Variants in PPRC1 observed in about 807,000 individuals in gnomAD.
PPRC1 encodes the protein peroxisome proliferator-activated receptor gamma coactivator-related protein 1.
A neutral mutation model predicts 132.5 loss-of-function variants in PPRC1; 23 were observed. The observed-to-expected ratio is 0.17, with a 90% CI of 0.12 to 0.25. The LOEUF (loss-of-function observed/expected upper bound fraction) is 0.25, where lower values mean the gene tolerates loss of function less well. PPRC1 is among the 10% of genes least tolerant of loss of function. The pLI is 1.00. For missense variants in PPRC1, 2,006 were observed against 2,089.1 expected, an observed-to-expected ratio of 0.96 and a Z score of 0.78; for synonymous variants, 872 against 833.5, an observed-to-expected ratio of 1.05 and a Z score of -0.80.
the PPRC1 span, among the ~76,000 whole-genome samples, chr10:102,123,379 G>C: frequency 2.0e-5 from 3 of 152,014 alleles, no homozygotes; most frequent in South Asian, 6.3e-4. Context: ...TGGTAGGAAG[G>C]GGGTGGAGTC....
Position 102,140,474 on chromosome 10 carries a change from G to T in PPRC1, c.1966G>T (p.Val656Phe), listed in dbSNP as rs1160004042. 6.2e-7 allele frequency: 1 copy of T among 1,614,198 alleles called. No homozygotes were observed. Among genetic ancestry groups the T allele is most frequent in the South Asian group, 1.1e-5 (1 of 91,082 alleles). The change falls in exon 5 of 14, where the codon GTT becomes TTT. Residue 656 changes from valine to phenylalanine, a missense_variant. Val to Phe is a conservative substitution (Grantham distance 50). Around this residue, in one of 2 missense-constraint regions of PPRC1, gnomAD observed 1,914 missense variants for 1,917.2 expected, o/e 1.00. Coordinates refer to ENST00000278070, the MANE Select transcript of PPRC1 (RefSeq NM_015062.5). ...TCCCATCTCAGATAACTTGCCACCA[G>T]TTGATGCTGTCCCGTCTGGCCCAGC... ...VVPISDNLPPVDAVPSGPAPV... is the reference protein window; with the variant it reads ...VVPISDNLPPFDAVPSGPAPV...
intron 5 of PPRC1, among the ~76,000 whole-genome samples, chr10:102,142,312 A>G (rs937911232): frequency 2.8e-5 from 4 of 144,822 alleles, no homozygotes; most frequent in South Asian, 2.2e-4. Flanking sequence ...TATGTTGGCC[A>G]GGTTGGTCTC....
intron 6 of PPRC1, among the ~76,000 whole-genome samples, chr10:102,143,982 A>G (rs1217981894): frequency 1.3e-5 from 2 of 152,360 alleles, no homozygotes; most frequent in Middle Eastern, 3.4e-3. Context: ...TAGGCAGATC[A>G]TAGATCACCT....
At chr10:102,136,923 G>A (rs1448954960) in intron 1 of PPRC1, among the ~76,000 whole-genome samples, 2 of 152,218 alleles carry the variant, frequency 1.3e-5, no homozygotes, top group Non-Finnish European at 2.9e-5. Context: ...AGTGTGGGGC[G>A]GGGCCTTTCC....
chr10:102,143,772 AT>A (rs1432827428), intron 6 of PPRC1, among the ~76,000 whole-genome samples: 2 of 152,228 alleles, frequency 1.3e-5, no homozygotes, highest in Non-Finnish European at 2.9e-5. Flanking sequence ...CATATGGCAC[AT>A]TTGAAAGGCA....
rs567105512 is a variant in PPRC1, at chr10:102,141,748, G to A, written c.3240G>A (p.Lys1080=). ...VSALVQSPQM[K]ALACVSAEGV... is the part of the protein sequence containing the mutation. ...CCCTGGTGCAAAGTCCCCAGATGAA[G>A]GCTCTAGCATGTGTGTCTGCTGAAG... The change falls in exon 5 of 14, where the codon AAG becomes AAA. Residue 1080 remains lysine, a synonymous_variant. Transcript: ENST00000278070. 6.2e-7 allele frequency: 1 copy of A among 1,613,966 alleles called. No individual in the cohort carries two copies. The highest frequency in any genetic ancestry group is 1.1e-5 in the South Asian group (1 of 91,040).
chr10:102,136,883 G>GAGGCC (rs930196002), intron 1 of PPRC1, among the ~76,000 whole-genome samples: 1 of 152,166 alleles, frequency 6.6e-6, no homozygotes, highest in African/African-American at 2.4e-5. Flanking sequence ...CCTGACACGA[G>GAGGCC]AGGCCGTAAA....
rs1268511233 is a variant in PPRC1 at position 102,148,797 on chromosome 10, T to C, written c.4618-20T>C. ...GCCCTGGCTAATGGTGTGTTGATTT[T>C]TTTTCATTTCCAAACATAGGAAGAA... On this transcript the variant is annotated intron_variant, in intron 11 of 13. Coordinates refer to ENST00000278070, the MANE Select transcript of PPRC1 (RefSeq NM_015062.5). This position sits in a 1 kb window ranked among gnomAD's most constrained non-coding sequence, Gnocchi z 4.2. 1.2e-6 allele frequency: 2 copies of C among 1,614,014 alleles called. No individual in the cohort carries two copies. Among genetic ancestry groups the C allele is most frequent in the Non-Finnish European group, 1.7e-6 (2 of 1,180,018 alleles).
Position 102,146,980 on chromosome 10 carries a change from A to C in PPRC1, c.3988A>C (p.Thr1330Pro). The change falls in exon 9 of 14, where the codon ACC (threonine) becomes CCC (proline). Residue 1330 changes from threonine (T) to proline (P), a missense_variant. Around this residue, in one of 2 missense-constraint regions of PPRC1, gnomAD observed 1,914 missense variants for 1,917.2 expected, o/e 1.00. Coordinates refer to ENST00000278070, the MANE Select transcript of PPRC1 (RefSeq NM_015062.5). ...GAATGTCAAGCGCCATCAGGACATC[A>C]CCATCAAACCTGTCTTGTCCTTGGG... ...RWNVKRHQDI[T>P]IKPVLSLGPA... The C allele has an allele frequency of 6.2e-7, 1 of 1,614,064 alleles. No homozygotes were observed. The highest frequency in any genetic ancestry group is 8.5e-7 in the Non-Finnish European group (1 of 1,180,004).
At chr10:102,144,424 C>A (rs1310623552) in intron 7 of PPRC1, 117 bp downstream of exon 7, 24 of 984,534 alleles carry the variant, frequency 2.4e-5, no homozygotes, top group Non-Finnish European at 3.5e-5. Context: ...GCTCTAGAGT[C>A]TTTCCCTGTT....
chr10:102,146,056 A>G (rs531754162), intron 8 of PPRC1, among the ~76,000 whole-genome samples: 1 of 152,286 alleles, frequency 6.6e-6, no homozygotes, highest in East Asian at 1.9e-4. Flanking sequence ...AACAAAACCA[A>G]CTGGGTATGT....
the PPRC1 span, chr10:102,120,181 T>TGAG: frequency 8.7e-7 from 1 of 1,151,238 alleles, no homozygotes; most frequent in Non-Finnish European, 1.1e-6. Context: ...AGGCCGGGCA[T>TGAG]GAGCCGCCGC....
Position 102,139,947 on chromosome 10 carries a change from G to A in PPRC1, c.1439G>A (p.Arg480Lys), listed in dbSNP as rs1249611883. Reference sequence around the variant, plus strand: ...GTGGAAGGCTATGCCAGGAGGCTGAGGTCATCTTCTCGCGGGCAGTCTACT... The same window carrying A: ...GTGGAAGGCTATGCCAGGAGGCTGAAGTCATCTTCTCGCGGGCAGTCTACT... Reference protein sequence around the residue: ...ACVEGYARRLRSSSRGQSTVG... With the variant: ...ACVEGYARRLKSSSRGQSTVG... The change falls in exon 5 of 14, where the codon AGG (arginine) becomes AAG (lysine). Residue 480 changes from arginine to lysine, a missense_variant. Physicochemically the swap from Arg to Lys is conservative, Grantham distance 26 (BLOSUM62 2). Around this residue, in one of 2 missense-constraint regions of PPRC1, gnomAD observed 1,914 missense variants for 1,917.2 expected, o/e 1.00. Coordinates refer to ENST00000278070, the MANE Select transcript of PPRC1 (RefSeq NM_015062.5). 2.5e-6 allele frequency: 4 copies of A among 1,614,246 alleles called. No homozygotes were observed. In the Admixed American group the frequency reaches 6.7e-5, roughly 27 times the overall value.
rs551781528 is a variant in PPRC1, at chr10:102,149,336, G to A, written c.4891+7G>A. On this transcript the variant is annotated splice_region_variant and intron_variant, in intron 13 of 13. Coordinates refer to ENST00000278070, the MANE Select transcript of PPRC1 (RefSeq NM_015062.5). ...AGGAGCTATTCTGATCTTGGTGAGTGGAGGGAGGGCCTAAAGCTTTGGAAT... is the reference window on the plus strand; with the variant it reads ...AGGAGCTATTCTGATCTTGGTGAGTAGAGGGAGGGCCTAAAGCTTTGGAAT... The A allele has an allele frequency of 9.5e-6, 15 of 1,571,590 alleles. No homozygotes were observed. The highest frequency in any genetic ancestry group is 1.8e-5 in the Admixed American group (1 of 54,170).
chr10:102,133,703 G>A (rs2068611194), intron 1 of PPRC1, among the ~76,000 whole-genome samples: 1 of 151,788 alleles, frequency 6.6e-6, no homozygotes, highest in Non-Finnish European at 1.5e-5. Context: ...TGGGGGCGGG[G>A]AAGGAACGTC....
At chr10:102,132,915 G>C (rs920780216), upstream of PPRC1, 33 of 1,121,072 alleles carry the variant, frequency 2.9e-5, no homozygotes, top group Admixed American at 4.3e-5. Flanking sequence ...CGCGAGGCCA[G>C]GGCCTTCTTC....
chr10:102,120,837 G>A, the PPRC1 span, among the ~76,000 whole-genome samples: 1 of 152,100 alleles, frequency 6.6e-6, no homozygotes, highest in Non-Finnish European at 1.5e-5. Context: ...GGTGGGCAGT[G>A]TGGTGTATCT....
chr10:102,127,463 G>A, the PPRC1 span, among the ~76,000 whole-genome samples: 9 of 152,180 alleles, frequency 5.9e-5, no homozygotes, highest in Non-Finnish European at 8.8e-5. Flanking sequence ...CTGGAGTACA[G>A]TTGCACGATC....
In PPRC1 at chr10:102,149,165, C is replaced by A; in HGVS notation, c.4740-13C>A. ...TAGCCACTCCAGCCCCTGCCTCACT[C>A]TCCTCCTACTAGGGACAACTACGGC... On this transcript the variant is annotated splice_polypyrimidine_tract_variant and intron_variant, in intron 12 of 13. Transcript: ENST00000278070. 1.3e-6 allele frequency: 2 copies of A among 1,567,972 alleles called. No homozygotes were observed. The highest frequency in any genetic ancestry group is 1.7e-6 in the Non-Finnish European group (2 of 1,154,998).
Sources: allele counts gnomAD v4.1 joint callset (sites outside exome capture counted in the v4.1 genomes callset), GRCh38; gene constraint gnomAD v4.1.1; regional missense constraint gnomAD v4.1.1; non-coding constraint Gnocchi (gnomAD v3.1); transcripts MANE v1.5; gene names NCBI Gene and HGNC (gene_info 2026-07-23, HGNC 2026-07-21).